CIC: variants seen among roughly 807,000 people sequenced by gnomAD.
CIC encodes the protein capicua transcriptional repressor.
A neutral mutation model predicts 115.7 loss-of-function variants in CIC; 18 were observed. The observed-to-expected ratio is 0.16, with a 90% CI of 0.11 to 0.23. The LOEUF is 0.23. Among genes scored for constraint, CIC ranks in the 10% least tolerant of loss-of-function variants. CIC has a pLI of 1.00. For synonymous variants in CIC, 1,076 were observed against 923.0 expected, an observed-to-expected ratio of 1.17 and a Z score of -3.01; for missense variants, 2,000 against 2,159.3, an observed-to-expected ratio of 0.93 and a Z score of 1.46.
intron 17 of CIC, 34 bp downstream of exon 17, chr19:42,293,870 T>C: frequency 6.2e-7 from 1 of 1,613,146 alleles, no homozygotes; most frequent in Non-Finnish European, 8.5e-7. Flanking sequence ...TGGAGCGTGT[T>C]AGGGTGGCGG....
chr19:42,270,652 G>A lies in CIC; in HGVS notation c.-10-1122G>A, dbSNP rs953417589. On this transcript the variant is annotated intron_variant, in intron 1 of 20. Transcript: ENST00000681038. This position sits in a 1 kb window ranked among gnomAD's most constrained non-coding sequence, Gnocchi z 4.1. ...TTTGGGGGCCTGCGGGGGGCTAGCC[G>A]ACTCAGCCACCCTGCCAGAGCCAGC... is the stretch of plus-strand genomic sequence containing the variant. 3.3e-5 allele frequency among the ~76,000 whole-genome samples: 5 copies of A among 152,030 alleles called. No individual in the cohort carries two copies. The highest frequency in any genetic ancestry group is 1.2e-4 in the African/African-American group (5 of 41,388).
Position 42,290,489 on chromosome 19 carries a change from C to T in CIC, c.4448C>T (p.Pro1483Leu). Residue 1483 changes from proline (P) to leucine (L), a missense_variant, in exon 11 of 21, where the codon CCA becomes CTA. By Grantham distance (98) the Pro-to-Leu change is moderately conservative (BLOSUM62 -3). Coordinates refer to ENST00000681038, the MANE Select transcript of CIC (RefSeq NM_001386298.1). ...AGCACAGCGGGCCCCCTACGGCCCC[C>T]ACCCCCTGGGGCTGGGGGTCCAGCG... ...QGSTAGPLRP[P>L]PPGAGGPATP... is the part of the protein sequence containing the mutation. The T allele has an allele frequency of 1.2e-6, 2 of 1,613,776 alleles. No homozygotes were observed. Among genetic ancestry groups the T allele is most frequent in the Non-Finnish European group, 1.7e-6 (2 of 1,179,934 alleles).
At position 42,293,227 on chromosome 19, in the gene CIC, C is replaced by G. The variant is rs1190639681; in HGVS notation, c.6468C>G (p.Pro2156=). 1.3e-6 allele frequency: 2 copies of G among 1,595,796 alleles called. No homozygotes were observed. Among genetic ancestry groups the G allele is most frequent in the Non-Finnish European group, 1.7e-6 (2 of 1,172,584 alleles). The change falls in exon 16 of 21, where the codon CCC becomes CCG. Residue 2156 remains proline (P), a synonymous_variant. Transcript: ENST00000681038. ...ETWTPTARSS[P]PLPPPAEERT... ...GGACTCCCACGGCCCGGAGCAGCCC[C>G]CCACTGCCCCCACCTGCTGAGGAGC...
At chr19:42,285,308 C>T (rs903791941) in intron 2 of CIC, among the ~76,000 whole-genome samples, 1 of 152,052 alleles carries the variant, frequency 6.6e-6, no homozygotes, top group African/African-American at 2.4e-5. Flanking sequence ...GTCCCTTTTC[C>T]CCACCCCCCA....
chr19:42,291,627 T>C lies in CIC; in HGVS notation c.5495T>C (p.Leu1832Pro), dbSNP rs2147279797. 1 of 1,612,982 alleles carries C rather than the reference T, an allele frequency of 6.2e-7. No individual in the cohort carries two copies. Among genetic ancestry groups the C allele is most frequent in the Non-Finnish European group, 8.5e-7 (1 of 1,179,984 alleles). The change falls in exon 12 of 21, where the codon CTA becomes CCA. Residue 1832 changes from leucine (L) to proline (P), a missense_variant. By Grantham distance (98) the Leu-to-Pro change is moderately conservative. Transcript: ENST00000681038. Reference sequence around the variant, plus strand: ...GCCCAGCTGCTGCCTGGGAAGGTCCTAGTGCCTCTGGCCGCCCCTAGCATG... The same window carrying C: ...GCCCAGCTGCTGCCTGGGAAGGTCCCAGTGCCTCTGGCCGCCCCTAGCATG... Reference protein sequence around the residue: ...GSAQLLPGKVLVPLAAPSMSV... With the variant: ...GSAQLLPGKVPVPLAAPSMSV...
At position 42,293,983 on chromosome 19, in the gene CIC, T is replaced by C. The variant is rs2147339506; in HGVS notation, c.6816T>C (p.Pro2272=). The change falls in exon 18 of 21, where the codon CCT becomes CCC. Residue 2272 remains proline (P), a synonymous_variant. Coordinates refer to ENST00000681038, the MANE Select transcript of CIC (RefSeq NM_001386298.1). ...VDFEERFAEL[P]EFRPEEVLPS... is the part of the protein sequence containing the mutation. Reference sequence around the variant, plus strand: ...TCGAAGAGCGCTTTGCTGAGTTGCCTGAGTTTCGGCCTGAGGAGGTGCTGC... The same window carrying C: ...TCGAAGAGCGCTTTGCTGAGTTGCCCGAGTTTCGGCCTGAGGAGGTGCTGC... 6.2e-7 allele frequency: 1 copy of C among 1,613,608 alleles called. No homozygotes were observed. The highest frequency in any genetic ancestry group is 1.7e-5 in the Admixed American group (1 of 60,022).
rs2038110368 is a variant in CIC at position 42,291,586 on chromosome 19, G to GCC, written c.5458_5459dup (p.Gly1821ArgfsTer13). Reference sequence around the variant, plus strand: ...AGTCAGTTTCTCCCGTGCAGGCCCCGCCCCCGGGTGGCTCAGCCCAGCTGC... The same window carrying GCC: ...AGTCAGTTTCTCCCGTGCAGGCCCCGCCCCCCCGGGTGGCTCAGCCCAGCTGC... On this transcript the variant is annotated frameshift_variant, in exon 12 of 21. Coordinates refer to ENST00000681038, the MANE Select transcript of CIC (RefSeq NM_001386298.1). LOFTEE classifies it high-confidence loss of function. 6.2e-7 allele frequency: 1 copy of GCC among 1,612,814 alleles called. No individual in the cohort carries two copies. Among genetic ancestry groups the GCC allele is most frequent in the Admixed American group, 1.7e-5 (1 of 59,994 alleles).
At chr19:42,279,026 C>T (rs1242171428) in intron 2 of CIC, among the ~76,000 whole-genome samples, 1 of 152,230 alleles carries the variant, frequency 6.6e-6, no homozygotes, top group African/African-American at 2.4e-5. Context: ...CCTACCTCCC[C>T]CTTTACCCCT....
rs2037525785 is a variant in CIC at position 42,284,971 on chromosome 19, A to T, written c.2795-1800A>T. Reference sequence around the variant, plus strand: ...GTAGCGGAGTGGGGCGTATCTGGGGACAGCTGTGATGTTAAAGTGATGGGA... The same window carrying T: ...GTAGCGGAGTGGGGCGTATCTGGGGTCAGCTGTGATGTTAAAGTGATGGGA... On this transcript the variant is annotated intron_variant, in intron 2 of 20. Coordinates refer to ENST00000681038, the MANE Select transcript of CIC (RefSeq NM_001386298.1). Among the ~76,000 whole-genome samples, 3 of 151,706 alleles carry T rather than the reference A, an allele frequency of 2.0e-5. No individual in the cohort carries two copies. In the South Asian group the frequency reaches 6.2e-4, roughly 32 times the overall value.
chr19:42,292,990 G>A lies in CIC; in HGVS notation c.6231G>A (p.Lys2077=), dbSNP rs1210687705. 2.5e-6 allele frequency: 4 copies of A among 1,613,456 alleles called. No homozygotes were observed. The highest frequency in any genetic ancestry group is 3.4e-6 in the Non-Finnish European group (4 of 1,179,988). ...GSMTYSLVAP[K]AQRPSPKAPQ... The stretch of plus-strand genomic sequence containing the variant: ...TGACCTACAGCTTAGTGGCCCCCAA[G>A]GCCCAGCGGCCCAGCCCGAAGGCCC... Residue 2077 remains lysine, a synonymous_variant, in exon 16 of 21, where the codon AAG becomes AAA. Coordinates refer to ENST00000681038, the MANE Select transcript of CIC (RefSeq NM_001386298.1).
chr19:42,291,976 A>G, intron 12 of CIC, 110 bp from the exon 13 acceptor site: 2 of 1,520,800 alleles, frequency 1.3e-6, no homozygotes, highest in African/African-American at 2.7e-5. Flanking sequence ...TTCTCACCCC[A>G]AGTTCTGTGT....
Position 42,283,479 on chromosome 19 carries a change from TG to T in CIC, c.2795-3291del, listed in dbSNP as rs1390076987. 2.6e-5 allele frequency among the ~76,000 whole-genome samples: 4 copies of T among 152,074 alleles called. No individual in the cohort carries two copies. The East Asian group carries it at 5.8e-4, about 22-fold the overall frequency. ...GGTATGTGAGGTGTGACAGCGTGGG[TG>T]TAAGACAGAGGGCATATGTGCCCGT... On this transcript the variant is annotated intron_variant, in intron 2 of 20. Coordinates refer to ENST00000681038, the MANE Select transcript of CIC (RefSeq NM_001386298.1).
In CIC at chr19:42,291,953, C is replaced by T. The variant is rs1372095324; in HGVS notation, c.5614-133C>T. 4.3e-6 allele frequency: 6 copies of T among 1,404,118 alleles called. No homozygotes were observed. In the African/African-American group the frequency reaches 5.7e-5, roughly 13 times the overall value. 87.0% of individuals were successfully genotyped at this position (1,404,118 alleles called of 1,614,324 possible). On this transcript the variant is annotated intron_variant, in intron 12 of 20. Transcript: ENST00000681038. Reference sequence around the variant, plus strand: ...CTGTGTCCCCACCTCTCACTGTCATCTTGCCCATCCTGTTCTCACCCCAAG... The same window carrying T: ...CTGTGTCCCCACCTCTCACTGTCATTTTGCCCATCCTGTTCTCACCCCAAG...
chr19:42,291,701 C>T lies in CIC; in HGVS notation c.5569C>T (p.Pro1857Ser), dbSNP rs2038125077. 6.2e-7 allele frequency: 1 copy of T among 1,612,926 alleles called. No individual in the cohort carries two copies. The highest frequency in any genetic ancestry group is 8.5e-7 in the Non-Finnish European group (1 of 1,180,022). ...AGQPLPLVSP[P>S]FSVPVQNGAQ... ...CCAGCCACTGCCACTGGTGAGCCCG[C>T]CCTTCTCAGTACCTGTGCAGAATGG... is the stretch of plus-strand genomic sequence containing the variant. The change falls in exon 12 of 21, where the codon CCC becomes TCC. Residue 1857 changes from proline (P) to serine (S), a missense_variant. Pro to Ser is a moderately conservative substitution (Grantham distance 74). This residue lies in a region of CIC where 1,466 missense variants were observed against 1,390.4 expected (regional missense o/e 1.05). Transcript: ENST00000681038.
At chr19:42,294,487 C>T (rs532366081) in intron 19 of CIC, 117 bp from the exon 20 acceptor site, 3 of 1,562,024 alleles carry the variant, frequency 1.9e-6, no homozygotes, top group East Asian at 2.2e-5. Context: ...TGGGCAGGAC[C>T]CCTCTCTGAC....
In CIC at chr19:42,272,457, G is replaced by A. The variant is rs992076342; in HGVS notation, c.674G>A (p.Arg225His). The change falls in exon 2 of 21, where the codon CGC (arginine) becomes CAC (histidine). Residue 225 changes from arginine to histidine, a missense_variant. By Grantham distance (29) the Arg-to-His change is conservative (BLOSUM62 0). Coordinates refer to ENST00000681038, the MANE Select transcript of CIC (RefSeq NM_001386298.1). ...CTGCCGGCTGTGGTGCGCCAGGTGC[G>A]CCGAAGCCAGGACCTGGGCGTGCAG... ...LFLPAVVRQV[R>H]RSQDLGVQFP... The A allele has an allele frequency of 1.3e-5, 5 of 398,412 alleles. No individual in the cohort carries two copies. The highest frequency in any genetic ancestry group is 8.8e-5 in the Admixed American group (2 of 22,718). 24.7% of individuals were successfully genotyped at this position (398,412 alleles called of 1,614,324 possible). A position where few individuals can be genotyped will look rare whatever the true frequency, so the allele number is the denominator to read the frequency against.
At chr19:42,282,351 C>T (rs547449174) in intron 2 of CIC, among the ~76,000 whole-genome samples, 1 of 152,334 alleles carries the variant, frequency 6.6e-6, no homozygotes, top group East Asian at 1.9e-4. Context: ...TCCTGTTGAC[C>T]ATCCAACCTG....
In CIC at chr19:42,291,679, G is replaced by C. The variant is rs752879918; in HGVS notation, c.5547G>C (p.Gln1849His). The C allele has an allele frequency of 3.1e-6, 5 of 1,612,952 alleles. No individual in the cohort carries two copies. The East Asian group carries it at 8.9e-5, about 29-fold the overall frequency. The change falls in exon 12 of 21, where the codon CAG becomes CAC. Residue 1849 changes from glutamine (Q) to histidine (H), a missense_variant. Gln to His is a conservative substitution (Grantham distance 24, BLOSUM62 0). Around this residue, in one of 8 missense-constraint regions of CIC, gnomAD observed 1,466 missense variants for 1,390.4 expected, o/e 1.05. Transcript: ENST00000681038. Reference protein sequence around the residue: ...SMSVRGGGAGQPLPLVSPPFS... With the variant: ...SMSVRGGGAGHPLPLVSPPFS... ...CAGTGCGGGGTGGAGGGGCCGGCCA[G>C]CCACTGCCACTGGTGAGCCCGCCCT...
rs1465588621 is a variant in CIC at position 42,291,584 on chromosome 19, C to T, written c.5452C>T (p.Pro1818Ser). 6.2e-7 allele frequency: 1 copy of T among 1,613,030 alleles called. No individual in the cohort carries two copies. Among genetic ancestry groups the T allele is most frequent in the Non-Finnish European group, 8.5e-7 (1 of 1,179,994 alleles). Residue 1818 changes from proline (P) to serine (S), a missense_variant, in exon 12 of 21, where the codon CCG becomes TCG. This residue lies in a region of CIC where 1,466 missense variants were observed against 1,390.4 expected (regional missense o/e 1.05). Transcript: ENST00000681038. ...KAQSVSPVQAPPPGGSAQLLP... is the reference protein window; with the variant it reads ...KAQSVSPVQASPPGGSAQLLP... The stretch of plus-strand genomic sequence containing the variant: ...CCAGTCAGTTTCTCCCGTGCAGGCC[C>T]CGCCCCCGGGTGGCTCAGCCCAGCT...
Sources: allele counts gnomAD v4.1 joint callset (sites outside exome capture counted in the v4.1 genomes callset), GRCh38; gene constraint gnomAD v4.1.1; regional missense constraint gnomAD v4.1.1; non-coding constraint Gnocchi (gnomAD v3.1); transcripts MANE v1.5; gene names NCBI Gene and HGNC (gene_info 2026-07-23, HGNC 2026-07-21).